The following C5 variants were observed in gnomAD, a reference collection of about 807,000 sequenced individuals.
C5 encodes C3 and PZP-like alpha-2-macroglobulin domain-containing protein 4.
A neutral mutation model predicts 218.8 loss-of-function variants in C5; 140 were observed. The observed-to-expected ratio is 0.64, with a 90% CI of 0.56 to 0.74. C5 has a LOEUF of 0.74. Among genes scored for constraint, C5 ranks in the 30% least tolerant of loss-of-function variants. The pLI, the probability that C5 is intolerant of heterozygous loss-of-function variation, is 0.00. For synonymous variants in C5, 614 were observed against 682.3 expected (o/e 0.90, Z 1.56); for missense variants, 1,700 against 1,969.6 (o/e 0.86, Z 2.59).
At chr9:121,006,189 TCTCAA>T (rs1283393741) in intron 19 of C5, 131 bp from the exon 20 acceptor site, 7 of 810,084 alleles carry the variant, frequency 8.6e-6, no homozygotes, top group Admixed American at 7.0e-5. Context: ...TTCTCTGAAC[TCTCAA>T]CTCATGTCCT....
intron 32 of C5, 28 bp downstream of exon 32, chr9:120,970,142 A>C: frequency 6.6e-7 from 1 of 1,505,534 alleles, no homozygotes. Context: ...TTTAGCCAAA[A>C]TTACAGCGTA....
the C5 span, among the ~76,000 whole-genome samples, chr9:121,074,086 T>C: frequency 6.6e-6 from 1 of 152,114 alleles, no homozygotes; most frequent in Non-Finnish European, 1.5e-5. Flanking sequence ...GCTAAGATGA[T>C]AGGATTATAG....
At position 120,953,696 on chromosome 9, in the gene C5, G is replaced by C. The variant is rs367883502; in HGVS notation, c.4901+34C>G. On this transcript the variant is annotated intron_variant, in intron 40 of 40. Transcript: ENST00000223642. Reference sequence around the variant, plus strand: ...AATAAATTATACTCAGTTTTGGAGGGAAGATCAGTGACTGAAAAATATTGG... The same window carrying C: ...AATAAATTATACTCAGTTTTGGAGGCAAGATCAGTGACTGAAAAATATTGG... The C allele has an allele frequency of 1.8e-4, 287 of 1,608,606 alleles. 1 individual carries two copies. The highest frequency in any genetic ancestry group is 2.4e-4 in the Non-Finnish European group (277 of 1,175,146).
the C5 span, among the ~76,000 whole-genome samples, chr9:121,059,308 T>C: frequency 2.0e-5 from 3 of 152,188 alleles, no homozygotes; most frequent in Non-Finnish European, 4.4e-5. The surrounding 1 kb of genome is among the most constrained non-coding windows in gnomAD (Gnocchi z 4.1). Flanking sequence ...GTTAAGCATA[T>C]TTTCCTTAGA....
At chr9:121,035,488 T>C (rs2047516428) in intron 4 of C5, among the ~76,000 whole-genome samples, 1 of 152,178 alleles carries the variant, frequency 6.6e-6, no homozygotes, top group Non-Finnish European at 1.5e-5. Flanking sequence ...GTTTTGACTT[T>C]CTTTGGACTA....
Position 121,042,996 on chromosome 9 carries a change from T to C in C5, c.421+8A>G, listed in dbSNP as rs2047593895. 5.0e-6 allele frequency: 8 copies of C among 1,607,476 alleles called. No individual in the cohort carries two copies. Among genetic ancestry groups the C allele is most frequent in the Non-Finnish European group, 6.8e-6 (8 of 1,174,256 alleles). On this transcript the variant is annotated splice_region_variant and intron_variant, in intron 3 of 40. Transcript: ENST00000223642. ...CCCACCCAGAGGAAGAAATATCTTA[T>C]AATCTACCTGACTGGTCTGGAGTAT... is the stretch of plus-strand genomic sequence containing the variant.
chr9:120,971,185 A>AAG (rs1188402353), intron 31 of C5, among the ~76,000 whole-genome samples: 2 of 151,124 alleles, frequency 1.3e-5, no homozygotes, highest in African/African-American at 4.9e-5. Flanking sequence ...AAAAAAAAAA[A>AAG]AAAGAAAAAA....
chr9:121,039,970 A>G (rs1302576393), intron 3 of C5, among the ~76,000 whole-genome samples: 2 of 152,248 alleles, frequency 1.3e-5, no homozygotes, highest in East Asian at 3.8e-4. Context: ...TCATTATGCT[A>G]CGTACTGAGA....
intron 21 of C5, among the ~76,000 whole-genome samples, chr9:120,996,658 G>T (rs540498227): frequency 2.0e-5 from 3 of 152,352 alleles, no homozygotes; most frequent in Admixed American, 6.5e-5. Flanking sequence ...CTGTCACACT[G>T]CTAGGAGGTG....
At chr9:120,979,125 C>T (rs1216994815) in intron 28 of C5, among the ~76,000 whole-genome samples, 1 of 152,188 alleles carries the variant, frequency 6.6e-6, no homozygotes, top group African/African-American at 2.4e-5. Flanking sequence ...GACCTCACTT[C>T]CTACTCCTCT....
chr9:120,992,142 C>T (rs1340209462), intron 22 of C5, among the ~76,000 whole-genome samples: 2 of 152,172 alleles, frequency 1.3e-5, no homozygotes, highest in Non-Finnish European at 2.9e-5. Context: ...TTAGCACAGA[C>T]CCTGGCATAT....
At chr9:120,980,921 T>C (rs2131696680) in intron 27 of C5, among the ~76,000 whole-genome samples, 1 of 152,214 alleles carries the variant, frequency 6.6e-6, no homozygotes, top group East Asian at 1.9e-4. Flanking sequence ...TATTGTTCCC[T>C]CTCAGCGTAG....
intron 33 of C5, among the ~76,000 whole-genome samples, chr9:120,964,063 A>C (rs897047858): frequency 6.6e-6 from 1 of 152,250 alleles, no homozygotes; most frequent in Admixed American, 6.5e-5. Context: ...GCAGAGCTAC[A>C]GAAGAATCCA....
chr9:120,956,272 T>G (rs2046784056), intron 39 of C5, among the ~76,000 whole-genome samples: 1 of 151,676 alleles, frequency 6.6e-6, no homozygotes, highest in African/African-American at 2.4e-5. Context: ...CCAGCCTGGG[T>G]GACAGAGTGA....
In C5 at chr9:121,006,078, C is replaced by A; in HGVS notation, c.2423-20G>T. ...ATATACCTTCAGCCCAAAGTGGAAG[C>A]AAAGTAGAATCATATTAGGAAATTC... is the stretch of plus-strand genomic sequence containing the variant. On this transcript the variant is annotated intron_variant, in intron 19 of 40. Coordinates refer to ENST00000223642, the MANE Select transcript of C5 (RefSeq NM_001735.3). 1 of 1,612,750 alleles carries A rather than the reference C, an allele frequency of 6.2e-7. No homozygotes were observed. The highest frequency in any genetic ancestry group is 2.2e-5 in the East Asian group (1 of 44,774).
At chr9:120,964,177 C>G (rs1434871081) in intron 33 of C5, among the ~76,000 whole-genome samples, 1 of 152,160 alleles carries the variant, frequency 6.6e-6, no homozygotes, top group Non-Finnish European at 1.5e-5. Flanking sequence ...CCAGGAAAAG[C>G]TGGAAGAAAA....
the C5 span, among the ~76,000 whole-genome samples, chr9:121,068,843 G>GT: frequency 6.6e-6 from 1 of 152,138 alleles, no homozygotes; most frequent in Non-Finnish European, 1.5e-5. Flanking sequence ...CAGCCAACTG[G>GT]TTTTTTGACA....
intron 9 of C5, 91 bp downstream of exon 9, chr9:121,025,363 A>T: frequency 7.7e-7 from 1 of 1,292,608 alleles, no homozygotes; most frequent in Non-Finnish European, 1.0e-6. Flanking sequence ...AATTATAGAA[A>T]TTGGAAATTA....
intron 33 of C5, among the ~76,000 whole-genome samples, chr9:120,968,769 AT>A (rs1399820973): frequency 6.6e-6 from 1 of 152,046 alleles, no homozygotes; most frequent in Admixed American, 6.6e-5. Context: ...AATCTTTTAT[AT>A]TTTTTTCCTA....
Sources: allele counts gnomAD v4.1 joint callset (sites outside exome capture counted in the v4.1 genomes callset), GRCh38; gene constraint gnomAD v4.1.1; non-coding constraint Gnocchi (gnomAD v3.1); transcripts MANE v1.5; gene names NCBI Gene and HGNC (gene_info 2026-07-23, HGNC 2026-07-21).